The following LIN52 variants were observed in gnomAD, a reference collection of about 807,000 sequenced individuals.
The protein encoded by LIN52 is lin-52 DREAM MuvB core complex component, also known as protein lin-52 homolog.
LIN52 carries 4 observed loss-of-function variants against 18.5 expected under a neutral mutation model. The observed-to-expected ratio is 0.22, with a 90% confidence interval of 0.11 to 0.49. The LOEUF (loss-of-function observed/expected upper bound fraction) is 0.49. LIN52 is among the 20% of genes least tolerant of loss of function. The pLI is 0.97. For synonymous variants in LIN52, 34 were observed against 45.5 expected, an observed-to-expected ratio of 0.75 and a Z score of 1.02; for missense variants, 102 against 139.5, an observed-to-expected ratio of 0.73 and a Z score of 1.35.
At chr14:74,152,950 ACTCTGT>A (rs2061182824) in intron 5 of LIN52, among the ~76,000 whole-genome samples, 1 of 132,434 alleles carries the variant, frequency 7.6e-6, no homozygotes, top group East Asian at 2.1e-4. Context: ...ACAAAGCAAG[ACTCTGT>A]CTCAAAAAAA....
chr14:74,102,890 A>G (rs4903184), intron 5 of LIN52, among the ~76,000 whole-genome samples: 16,976 of 152,226 alleles, frequency 0.11, 1,248 homozygotes, highest in Admixed American at 0.19. Context: ...TATTATTTAT[A>G]CCAAAGTAGA....
chr14:74,162,958 GAA>G (rs562204237), intron 5 of LIN52, among the ~76,000 whole-genome samples: 246 of 152,252 alleles, frequency 1.6e-3, no homozygotes, highest in Non-Finnish European at 2.7e-3. Context: ...AGGACTATAC[GAA>G]TGCATGTTGA....
chr14:74,185,564 C>T (rs535575823), intron 5 of LIN52, among the ~76,000 whole-genome samples: 13 of 152,122 alleles, frequency 8.5e-5, no homozygotes, highest in African/African-American at 1.7e-4. Context: ...CTGCCTGCCT[C>T]GGCCTCCGAA....
chr14:74,131,484 A>T (rs2061067072), intron 5 of LIN52, among the ~76,000 whole-genome samples: 1 of 151,344 alleles, frequency 6.6e-6, no homozygotes, highest in Admixed American at 6.6e-5. Context: ...ACGACTGGCT[A>T]ACTTTTTGTA....
chr14:74,085,085 C>A, intron 1 of LIN52, 92 bp downstream of exon 1: 1 of 1,126,106 alleles, frequency 8.9e-7, no homozygotes, highest in Non-Finnish European at 1.2e-6. Flanking sequence ...ACATACATTT[C>A]TTTCTTGGGC....
rs1413167646 is a variant in LIN52, at chr14:74,200,300, C to T, written c.*1323C>T. ...TGATGGTGCATGCCTATAGTCCCAG[C>T]TACTTGGGGGCCTGAGGCACGAGAA... On this transcript the variant is annotated 3_prime_UTR_variant, in exon 6 of 6. Coordinates refer to ENST00000555028, the MANE Select transcript of LIN52 (RefSeq NM_001024674.3). 1 of 146,000 alleles carries T rather than the reference C, an allele frequency of 6.8e-6. No homozygotes were observed. The highest frequency in any genetic ancestry group is 2.5e-5 in the African/African-American group (1 of 40,020). 9.0% of individuals were successfully genotyped at this position (146,000 alleles called of 1,614,324 possible).
intron 5 of LIN52, among the ~76,000 whole-genome samples, chr14:74,187,797 A>T (rs900640225): frequency 1.6e-4 from 24 of 152,096 alleles, no homozygotes; most frequent in African/African-American, 7.2e-5. Flanking sequence ...TTAGGGGAAA[A>T]TTTTTTTCTT....
intron 5 of LIN52, among the ~76,000 whole-genome samples, chr14:74,115,713 A>G (rs1274356429): frequency 6.6e-6 from 1 of 152,214 alleles, no homozygotes; most frequent in East Asian, 1.9e-4. Context: ...AAACCATGCC[A>G]TTATTTCTCA....
chr14:74,145,625 G>A (rs956881163), intron 5 of LIN52, among the ~76,000 whole-genome samples: 15 of 152,208 alleles, frequency 9.9e-5, no homozygotes, highest in African/African-American at 3.6e-4. Context: ...CAGTCTGGTC[G>A]AAAAGTCAGA....
intron 5 of LIN52, among the ~76,000 whole-genome samples, chr14:74,173,717 T>A (rs956439515): frequency 7.9e-5 from 12 of 152,246 alleles, no homozygotes; most frequent in Non-Finnish European, 1.3e-4. Context: ...TACTTTTAAG[T>A]CAAAATATAG....
At chr14:74,156,422 C>A (rs557159675) in intron 5 of LIN52, among the ~76,000 whole-genome samples, 1 of 152,276 alleles carries the variant, frequency 6.6e-6, no homozygotes, top group South Asian at 2.1e-4. Flanking sequence ...GTAGCATGGT[C>A]AATGGTGAGA....
chr14:74,162,126 A>G (rs989767146), intron 5 of LIN52, among the ~76,000 whole-genome samples: 2 of 152,206 alleles, frequency 1.3e-5, no homozygotes. Context: ...CTATCATTCA[A>G]TTAACAGGTT....
chr14:74,109,513 ACT>A (rs2060914912), intron 5 of LIN52, among the ~76,000 whole-genome samples: 1 of 151,924 alleles, frequency 6.6e-6, no homozygotes, highest in African/African-American at 2.4e-5. Context: ...TTATTTCTAG[ACT>A]CTCATTCTAT....
rs757112159 is a variant in LIN52, at chr14:74,158,123, A to ATT, written c.284-40798_284-40797insTT. On this transcript the variant is annotated intron_variant, in intron 5 of 5. Coordinates refer to ENST00000555028, the MANE Select transcript of LIN52 (RefSeq NM_001024674.3). ...ATCACTGCTATATATATATATATAT[A>ATT]TATTTTTTTGAGATAGAGTCTCCCT... is the stretch of plus-strand genomic sequence containing the variant. 5.8e-3 allele frequency among the ~76,000 whole-genome samples: 849 copies of ATT among 147,348 alleles called. 2 individuals are homozygous for ATT. The highest frequency in any genetic ancestry group is 0.026 in the South Asian group (121 of 4,636).
intron 5 of LIN52, among the ~76,000 whole-genome samples, chr14:74,191,941 CTGGGATTTTATGTGTTCCTTTTGGCT>C: frequency 6.6e-6 from 1 of 152,046 alleles, no homozygotes; most frequent in Non-Finnish European, 1.5e-5. Flanking sequence ...GGCCACTAAA[CTGGGATTTTATGTGTTCCTTTTGGCT>C]AGAAGTATCT....
At chr14:74,154,085 A>G (rs893932605) in intron 5 of LIN52, among the ~76,000 whole-genome samples, 5 of 151,642 alleles carry the variant, frequency 3.3e-5, no homozygotes, top group African/African-American at 1.2e-4. Context: ...AATAAAGTCC[A>G]TACTTTATTC....
At chr14:74,123,070 C>T (rs1281996496) in intron 5 of LIN52, among the ~76,000 whole-genome samples, 1 of 152,078 alleles carries the variant, frequency 6.6e-6, no homozygotes, top group Non-Finnish European at 1.5e-5. Context: ...TTAATAAGTT[C>T]TTAAAAACTA....
intron 2 of LIN52, among the ~76,000 whole-genome samples, chr14:74,093,827 C>T (rs1294007924): frequency 6.6e-6 from 1 of 152,048 alleles, no homozygotes; most frequent in Non-Finnish European, 1.5e-5. Flanking sequence ...ATTAGCTGAG[C>T]GTGGTGGCAC....
intron 5 of LIN52, among the ~76,000 whole-genome samples, chr14:74,140,002 T>C (rs1288471665): frequency 2.0e-5 from 3 of 152,176 alleles, no homozygotes; most frequent in Admixed American, 2.0e-4. Context: ...TTTTATAATA[T>C]ATAGTGTATA....
Sources: gnomAD v4.1 joint callset for allele counts (sites outside exome capture counted in the v4.1 genomes callset) on GRCh38, gnomAD v4.1.1 for gene constraint, MANE v1.5 for transcripts, NCBI Gene and HGNC (gene_info 2026-07-23, HGNC 2026-07-21) for gene names.